TNFRSF10B: variants seen among roughly 807,000 people sequenced by gnomAD.
The protein encoded by TNFRSF10B is tumor necrosis factor receptor superfamily member 10B.
Under a neutral mutation model 41.4 loss-of-function variants are expected in TNFRSF10B, and 35 were observed. The observed-to-expected ratio is 0.85, with a 90% CI of 0.65 to 1.12. TNFRSF10B has a LOEUF of 1.12. Among genes scored for constraint, TNFRSF10B ranks in the 50% most tolerant of loss-of-function variants. The pLI is 0.00. For missense variants in TNFRSF10B, 584 were observed against 552.7 expected (o/e 1.06, Z -0.57); for synonymous variants, 230 against 215.5 (o/e 1.07, Z -0.59).
At chr8:23,059,684 T>TG (rs1812772234) in intron 1 of TNFRSF10B, among the ~76,000 whole-genome samples, 1 of 43,230 alleles carries the variant, frequency 2.3e-5, no homozygotes, top group African/African-American at 1.4e-4. Flanking sequence ...TTTTTTTGTA[T>TG]TTTTTTTTTA....
At chr8:23,064,449 G>A (rs909297754) in intron 1 of TNFRSF10B, among the ~76,000 whole-genome samples, 3 of 152,250 alleles carry the variant, frequency 2.0e-5, no homozygotes, top group East Asian at 1.9e-4. Flanking sequence ...GAGAATGGGC[G>A]TGTGGCCAGA....
chr8:23,020,864 G>T lies in TNFRSF10B; in HGVS notation c.*1807C>A, dbSNP rs747788415. The T allele has an allele frequency of 2.2e-6, 1 of 454,022 alleles. No homozygotes were observed. The highest frequency in any genetic ancestry group is 2.0e-5 in the African/African-American group (1 of 50,004). 28.1% of individuals were successfully genotyped at this position (454,022 alleles called of 1,614,324 possible). On this transcript the variant is annotated 3_prime_UTR_variant, in exon 9 of 9. Coordinates refer to ENST00000276431, the MANE Select transcript of TNFRSF10B (RefSeq NM_003842.5). ...AAGGCCCAGCAAAGGCAAAGACCAGGAGGCAGCAGCACCCTGTGCCTTCCA... is the reference window on the plus strand; with the variant it reads ...AAGGCCCAGCAAAGGCAAAGACCAGTAGGCAGCAGCACCCTGTGCCTTCCA...
intron 1 of TNFRSF10B, among the ~76,000 whole-genome samples, chr8:23,043,914 C>T (rs1812281241): frequency 6.6e-6 from 1 of 152,186 alleles, no homozygotes. Context: ...ATGGTATAGC[C>T]TTTTGCTCCT....
intron 1 of TNFRSF10B, among the ~76,000 whole-genome samples, chr8:23,064,521 G>C (rs1367390581): frequency 6.6e-6 from 1 of 152,258 alleles, no homozygotes; most frequent in Non-Finnish European, 1.5e-5. Context: ...GCATGGTTAA[G>C]AGAGAGAAGG....
intron 1 of TNFRSF10B, among the ~76,000 whole-genome samples, chr8:23,056,660 AAAAAG>A (rs1812675092): frequency 6.6e-6 from 1 of 152,082 alleles, no homozygotes; most frequent in Non-Finnish European, 1.5e-5. Context: ...CAAAAAAAAA[AAAAAG>A]AGAACCATAT....
intron 1 of TNFRSF10B, among the ~76,000 whole-genome samples, chr8:23,060,235 T>G (rs1157255320): frequency 6.6e-6 from 1 of 152,244 alleles, no homozygotes; most frequent in African/African-American, 2.4e-5. Flanking sequence ...CACAGAATTT[T>G]TATCCTATAT....
chr8:23,046,785 G>T (rs1430882729), intron 1 of TNFRSF10B, among the ~76,000 whole-genome samples: 2 of 152,018 alleles, frequency 1.3e-5, no homozygotes, highest in East Asian at 3.8e-4. Flanking sequence ...AAAATACAGA[G>T]CCTATAAATG....
chr8:23,047,446 A>G (rs1585219830), intron 1 of TNFRSF10B, among the ~76,000 whole-genome samples: 1 of 152,154 alleles, frequency 6.6e-6, no homozygotes, highest in South Asian at 2.1e-4. Flanking sequence ...TTTGCATACC[A>G]TACATCTGAT....
At chr8:23,043,802 T>A (rs189518995) in intron 1 of TNFRSF10B, among the ~76,000 whole-genome samples, 2 of 152,338 alleles carry the variant, frequency 1.3e-5, no homozygotes, top group Admixed American at 1.3e-4. Flanking sequence ...TTGCTCAACA[T>A]TGTTCTGAGC....
intron 2 of TNFRSF10B, among the ~76,000 whole-genome samples, chr8:23,034,689 G>T (rs1305596441): frequency 6.6e-6 from 1 of 152,166 alleles, no homozygotes; most frequent in Non-Finnish European, 1.5e-5. Context: ...TTGTGCCACT[G>T]CACTCCAGCC....
chr8:23,024,217 A>G lies in TNFRSF10B; in HGVS notation c.980T>C (p.Val327Ala). Residue 327 changes from valine (V) to alanine (A), a missense_variant, in exon 8 of 9, where the codon GTT becomes GCT. Val to Ala is a moderately conservative substitution (Grantham distance 64). Coordinates refer to ENST00000276431, the MANE Select transcript of TNFRSF10B (RefSeq NM_003842.5). ...AERSQRRRLL[V>A]PANEGDPTET... ...AGTGGGATCACCTTCATTTGCTGGAACCAGCAGCCTCCTCCTCTGAGACCT... is the reference window on the plus strand; with the variant it reads ...AGTGGGATCACCTTCATTTGCTGGAGCCAGCAGCCTCCTCCTCTGAGACCT... 1 of 1,614,004 alleles carries G rather than the reference A, an allele frequency of 6.2e-7. No individual in the cohort carries two copies. The highest frequency in any genetic ancestry group is 8.5e-7 in the Non-Finnish European group (1 of 1,179,976).
At chr8:23,026,298 G>C (rs538719841) in intron 7 of TNFRSF10B, among the ~76,000 whole-genome samples, 143 of 151,864 alleles carry the variant, frequency 9.4e-4, no homozygotes, top group African/African-American at 2.4e-3. Flanking sequence ...TTTTAAAAAA[G>C]AGTGAAGAGG....
At chr8:23,062,432 G>T (rs1030071397) in intron 1 of TNFRSF10B, among the ~76,000 whole-genome samples, 2 of 152,072 alleles carry the variant, frequency 1.3e-5, no homozygotes, top group African/African-American at 4.8e-5. Context: ...TATCCAGGCT[G>T]GTCTCAAACT....
At chr8:23,051,564 A>G (rs1307858422) in intron 1 of TNFRSF10B, among the ~76,000 whole-genome samples, 1 of 148,476 alleles carries the variant, frequency 6.7e-6, no homozygotes, top group Non-Finnish European at 1.5e-5. Context: ...TTTTTTTTTA[A>G]GATGGAGTCT....
At chr8:23,051,013 G>A (rs1812506824) in intron 1 of TNFRSF10B, among the ~76,000 whole-genome samples, 1 of 152,206 alleles carries the variant, frequency 6.6e-6, no homozygotes, top group African/African-American at 2.4e-5. Context: ...GGCAGAGGTT[G>A]TAGTGAGCAG....
At position 23,022,757 on chromosome 8, in the gene TNFRSF10B, GTC is replaced by G. The variant is rs1563303865; in HGVS notation, c.1235_1236del (p.Arg412ThrfsTer7). On this transcript the variant is annotated frameshift_variant, in exon 9 of 9. Transcript: ENST00000276431. LOFTEE classifies it low-confidence loss of function (END_TRUNC). ...TGGTCCTCAATCTTCTGCTTGGCAA[GTC>G]TCTCTCCCAGCGTCTCCAAGGCATC... is the stretch of plus-strand genomic sequence containing the variant. ...LLDALETLGE[R>X]LAKQKIEDHL... is the part of the protein sequence containing the mutation. The G allele has an allele frequency of 6.2e-7, 1 of 1,613,994 alleles. No individual in the cohort carries two copies.
intron 1 of TNFRSF10B, among the ~76,000 whole-genome samples, chr8:23,055,526 A>T (rs1258195812): frequency 1.3e-5 from 2 of 151,532 alleles, no homozygotes; most frequent in Non-Finnish European, 1.5e-5. Context: ...ATGCTTAAAA[A>T]AAAAAAAAAA....
chr8:23,045,941 C>T (rs1381021183), intron 1 of TNFRSF10B, among the ~76,000 whole-genome samples: 24 of 151,934 alleles, frequency 1.6e-4, no homozygotes, highest in Admixed American at 1.5e-3. Context: ...TGTATCAACA[C>T]AAAAAAAGCC....
intron 1 of TNFRSF10B, among the ~76,000 whole-genome samples, chr8:23,055,521 T>TAA (rs34761330): frequency 0.013 from 1,605 of 120,500 alleles, 37 homozygotes; most frequent in African/African-American, 0.046. Context: ...ATTAAATGCT[T>TAA]AAAAAAAAAA....
Sources: gnomAD v4.1 joint callset for allele counts (sites outside exome capture counted in the v4.1 genomes callset) on GRCh38, gnomAD v4.1.1 for gene constraint, MANE v1.5 for transcripts, NCBI Gene and HGNC (gene_info 2026-07-23, HGNC 2026-07-21) for gene names.